Variants in ILDR2 observed in about 807,000 individuals in gnomAD.
The protein encoded by ILDR2 is immunoglobulin-like domain-containing receptor 2.
ILDR2 carries 25 observed loss-of-function variants against 66.8 expected under a neutral mutation model. The observed-to-expected ratio is 0.37, with a 90% CI of 0.27 to 0.52. ILDR2 has a LOEUF of 0.52. Among genes scored for constraint, ILDR2 ranks in the 20% least tolerant of loss-of-function variants. ILDR2 has a pLI of 0.88. For synonymous variants in ILDR2, 367 were observed against 357.2 expected (o/e 1.03, Z -0.31); for missense variants, 827 against 876.8 (o/e 0.94, Z 0.72).
rs1420927452 is a variant in ILDR2 at position 166,921,035 on chromosome 1, C to G, written c.1556G>C (p.Gly519Ala). 1 of 1,511,238 alleles carries G rather than the reference C, an allele frequency of 6.6e-7. No homozygotes were observed. The highest frequency in any genetic ancestry group is 1.4e-5 in the African/African-American group (1 of 69,448). The allele number at this position is 1,511,238 out of a possible 1,614,324, so 93.6% of individuals were successfully genotyped here. Residue 519 changes from glycine to alanine, a missense_variant, in exon 9 of 10, where the codon GGC becomes GCC. Coordinates refer to ENST00000271417, the MANE Select transcript of ILDR2 (RefSeq NM_199351.3). The surrounding 1 kb of genome is among the most constrained non-coding windows in gnomAD (Gnocchi z 5.3). ...HLPRLVSRTP[G>A]TAPKYDHSYL... ...CGAGTGGTCGTATTTGGGTGCGGTGCCTGGCGTGCGGCTCACCAGCCGCGG... is the reference window on the plus strand; with the variant it reads ...CGAGTGGTCGTATTTGGGTGCGGTGGCTGGCGTGCGGCTCACCAGCCGCGG...
chr1:166,903,592 G>A (rs534221529), downstream of ILDR2, among the ~76,000 whole-genome samples: 39 of 152,202 alleles, frequency 2.6e-4, no homozygotes, highest in African/African-American at 8.9e-4. Context: ...CTTTTTCTAA[G>A]GACAAAAAAG....
chr1:166,901,171 A>G (rs1659258242), intron 2 of ILDR2, among the ~76,000 whole-genome samples: 1 of 152,182 alleles, frequency 6.6e-6, no homozygotes, highest in African/African-American at 2.4e-5. Context: ...TATATCTAAC[A>G]CAAACTAATT....
rs1310611600 is a variant in ILDR2 at position 166,946,356 on chromosome 1, T to TCAC, written c.500-6787_500-6786insGTG. Among the ~76,000 whole-genome samples the TCAC allele has an allele frequency of 3.9e-5, 6 of 152,350 alleles. No homozygotes were observed. The South Asian group carries it at 1.2e-3, about 32-fold the overall frequency. ...TGTTTACTTTTTCTTTCTGTGTCCTTTACATTTTAGTTCACTTTAAATTAT... is the reference window on the plus strand; with the variant it reads ...TGTTTACTTTTTCTTTCTGTGTCCTTCACTACATTTTAGTTCACTTTAAATTAT... On this transcript the variant is annotated intron_variant, in intron 3 of 9. Transcript: ENST00000271417.
At chr1:166,968,719 G>T (rs1663107221) in intron 1 of ILDR2, among the ~76,000 whole-genome samples, 1 of 152,084 alleles carries the variant, frequency 6.6e-6, no homozygotes, top group Non-Finnish European at 1.5e-5. Context: ...AAAGGCATTT[G>T]TGTGGTTTGG....
At chr1:166,953,382 A>G (rs1662101590) in intron 3 of ILDR2, among the ~76,000 whole-genome samples, 2 of 152,044 alleles carry the variant, frequency 1.3e-5, no homozygotes, top group South Asian at 4.2e-4. Context: ...TTCCATCCTT[A>G]CCTTTCTGAG....
chr1:166,900,991 G>A (rs1000546345), intron 2 of ILDR2, among the ~76,000 whole-genome samples: 4 of 152,178 alleles, frequency 2.6e-5, no homozygotes, highest in African/African-American at 9.7e-5. Flanking sequence ...AGCTCTTCCT[G>A]AAGGAATACA....
intron 3 of ILDR2, among the ~76,000 whole-genome samples, chr1:166,945,859 G>T (rs911429771): frequency 1.3e-5 from 2 of 152,204 alleles, no homozygotes; most frequent in East Asian, 3.8e-4. Context: ...CTATACAGAT[G>T]AACTTTCTGT....
intron 1 of ILDR2, among the ~76,000 whole-genome samples, chr1:166,965,739 AT>A (rs77159878): frequency 0.06 from 8,687 of 144,800 alleles, 488 homozygotes; most frequent in African/African-American, 0.15. Flanking sequence ...TGCCCAGCTA[AT>A]TTTTTTTTTT....
At position 166,921,283 on chromosome 1, in the gene ILDR2, G is replaced by A. The variant is rs780334858; in HGVS notation, c.1308C>T (p.Ser436=). The stretch of plus-strand genomic sequence containing the variant: ...CTGCCCGGCGGGGCCGCTGGCCGTA[G>A]GAGTCAGCGAAGGCCGCCAGCTCGT... ...SMDELAAFAD[S]YGQRPRRADG... is the part of the protein sequence containing the mutation. The change falls in exon 9 of 10, where the codon TCC becomes TCT. Residue 436 remains serine, a synonymous_variant. Transcript: ENST00000271417. This position sits in a 1 kb window ranked among gnomAD's most constrained non-coding sequence, Gnocchi z 5.3. 2 of 1,600,680 alleles carry A rather than the reference G, an allele frequency of 1.2e-6. No homozygotes were observed. The highest frequency in any genetic ancestry group is 1.7e-5 in the Admixed American group (1 of 59,680).
chr1:166,932,699 A>G (rs1340904467), intron 6 of ILDR2, among the ~76,000 whole-genome samples: 1 of 152,224 alleles, frequency 6.6e-6, no homozygotes, highest in Non-Finnish European at 1.5e-5. Context: ...TCTTCCATTC[A>G]GGAACCAACT....
chr1:166,946,706 G>A (rs1661633357), intron 3 of ILDR2, among the ~76,000 whole-genome samples: 1 of 152,136 alleles, frequency 6.6e-6, no homozygotes, highest in African/African-American at 2.4e-5. Context: ...ATACAACCAG[G>A]TGTACTCACC....
At chr1:166,926,383 G>C (rs144258686) in intron 7 of ILDR2, among the ~76,000 whole-genome samples, 1 of 151,992 alleles carries the variant, frequency 6.6e-6, no homozygotes, top group African/African-American at 2.4e-5. Flanking sequence ...GTTGGGGCCC[G>C]GCCACCTCAG....
In ILDR2 at chr1:166,921,388, A is replaced by G. The variant is rs775414003; in HGVS notation, c.1212-9T>C. 6.4e-7 allele frequency: 1 copy of G among 1,552,254 alleles called. No homozygotes were observed. ...ACTTGGAGCGCGGCTGGCTGCGGGC[A>G]GAGAAGGAGGGGGTCAGACGGCCGG... is the stretch of plus-strand genomic sequence containing the variant. On this transcript the variant is annotated splice_polypyrimidine_tract_variant and intron_variant, in intron 8 of 9. Coordinates refer to ENST00000271417, the MANE Select transcript of ILDR2 (RefSeq NM_199351.3). The surrounding 1 kb of genome is among the most constrained non-coding windows in gnomAD (Gnocchi z 5.3).
At chr1:166,898,463 GAACTCTTCCA>G in intron 2 of ILDR2, among the ~76,000 whole-genome samples, 1 of 152,086 alleles carries the variant, frequency 6.6e-6, no homozygotes, top group African/African-American at 2.4e-5. Context: ...GTAGCTCCCA[GAACTCTTCCA>G]GCCTGTGTCC....
At chr1:166,949,910 C>T (rs1661868049) in intron 3 of ILDR2, among the ~76,000 whole-genome samples, 1 of 152,180 alleles carries the variant, frequency 6.6e-6, no homozygotes, top group African/African-American at 2.4e-5. Flanking sequence ...AAAGCCACTC[C>T]TCATTTGTTT....
intron 1 of ILDR2, among the ~76,000 whole-genome samples, chr1:166,972,866 A>C (rs1663389560): frequency 6.6e-6 from 1 of 152,294 alleles, no homozygotes; most frequent in Admixed American, 6.5e-5. Context: ...CCCTCAAAAG[A>C]GAATTCATTG....
At chr1:166,922,510 G>T in intron 8 of ILDR2, 83 bp downstream of exon 8, 1 of 994,088 alleles carries the variant, frequency 1.0e-6, no homozygotes, top group Non-Finnish European at 1.6e-6. Flanking sequence ...GCTACTGGAT[G>T]GCATCTTCCT....
intron 1 of ILDR2, among the ~76,000 whole-genome samples, chr1:166,965,393 G>A (rs918511953): frequency 6.6e-6 from 1 of 152,004 alleles, no homozygotes; most frequent in Non-Finnish European, 1.5e-5. Flanking sequence ...ATGAAACAAA[G>A]TTTGTGTACA....
At chr1:166,966,908 T>C (rs1006288352) in intron 1 of ILDR2, among the ~76,000 whole-genome samples, 13 of 152,244 alleles carry the variant, frequency 8.5e-5, no homozygotes, top group African/African-American at 2.9e-4. Context: ...CTGTATCTCC[T>C]GTCTAGATCT....
Sources: allele counts gnomAD v4.1 joint callset (sites outside exome capture counted in the v4.1 genomes callset), GRCh38; gene constraint gnomAD v4.1.1; non-coding constraint Gnocchi (gnomAD v3.1); transcripts MANE v1.5; gene names NCBI Gene and HGNC (gene_info 2026-07-23, HGNC 2026-07-21).